Variants in CLNK observed in about 807,000 individuals in gnomAD.
CLNK encodes cytokine-dependent hematopoietic cell linker.
CLNK carries 74 observed loss-of-function variants against 68.6 expected under a neutral mutation model. The observed-to-expected ratio is 1.08, with a 90% CI of 0.89 to 1.31. CLNK has a LOEUF of 1.31. CLNK is among the 50% of genes most tolerant of loss of function. The pLI is 0.00. For missense variants in CLNK, 553 were observed against 515.3 expected (o/e 1.07, Z -0.71); for synonymous variants, 198 against 172.2 (o/e 1.15, Z -1.17).
intron 2 of CLNK, among the ~76,000 whole-genome samples, chr4:10,651,911 A>T (rs1258456320): frequency 6.6e-6 from 1 of 152,076 alleles, no homozygotes; most frequent in Non-Finnish European, 1.5e-5. Flanking sequence ...TAAACATAAG[A>T]TAAACTGATA....
chr4:10,606,812 G>A, intron 2 of CLNK, among the ~76,000 whole-genome samples: 1 of 152,248 alleles, frequency 6.6e-6, no homozygotes, highest in South Asian at 2.1e-4. Flanking sequence ...ACACATAGTT[G>A]ATTCTGTTTT....
At chr4:10,540,263 C>G (rs1388238137) in intron 11 of CLNK, among the ~76,000 whole-genome samples, 4 of 152,216 alleles carry the variant, frequency 2.6e-5, no homozygotes, top group Admixed American at 6.5e-5. Flanking sequence ...CTTCCCCCTC[C>G]ACCATGATTG....
chr4:10,665,897 G>C (rs1647325235), intron 2 of CLNK, among the ~76,000 whole-genome samples: 1 of 152,098 alleles, frequency 6.6e-6, no homozygotes, highest in East Asian at 1.9e-4. Context: ...ACCCTGTTTG[G>C]GAAAAGCATC....
intron 8 of CLNK, among the ~76,000 whole-genome samples, chr4:10,548,541 C>T (rs1719325341): frequency 6.6e-6 from 1 of 152,182 alleles, no homozygotes; most frequent in Admixed American, 6.5e-5. Flanking sequence ...GCTTTTGCTG[C>T]CTGTCCTTTT....
Position 10,490,716 on chromosome 4 carries a change from C to A in CLNK, c.1141-103G>T, listed in dbSNP as rs532600617. 3.2e-5 allele frequency: 28 copies of A among 868,866 alleles called. 1 individual carries two copies. The South Asian group carries it at 4.5e-4, about 14-fold the overall frequency. 53.8% of individuals were successfully genotyped at this position (868,866 alleles called of 1,614,324 possible). A position where few individuals can be genotyped will look rare whatever the true frequency, so the allele number is the denominator to read the frequency against. On this transcript the variant is annotated intron_variant, in intron 18 of 18. Transcript: ENST00000226951. ...CATTTTGCATGGGGAAGAGGTGAAC[C>A]AATTTAACAATGTTTGTATGGTAAA... is the stretch of plus-strand genomic sequence containing the variant.
the CLNK span, among the ~76,000 whole-genome samples, chr4:10,699,760 C>T: frequency 2.0e-5 from 3 of 151,480 alleles, no homozygotes; most frequent in South Asian, 2.1e-4. Context: ...ATGATCCATC[C>T]GCCTCAGCCT....
At chr4:10,531,010 G>T (rs2286465) in intron 12 of CLNK, among the ~76,000 whole-genome samples, 6 of 152,196 alleles carry the variant, frequency 3.9e-5, no homozygotes, top group African/African-American at 1.4e-4. Flanking sequence ...TAAATGTCTC[G>T]TTTGAGTGAC....
intron 5 of CLNK, among the ~76,000 whole-genome samples, chr4:10,570,805 A>C (rs1720314567): frequency 6.6e-6 from 1 of 152,320 alleles, no homozygotes; most frequent in Non-Finnish European, 1.5e-5. Context: ...TATAAATTTT[A>C]ATCTTTTTCT....
the CLNK span, among the ~76,000 whole-genome samples, chr4:10,721,336 G>A: frequency 1.3e-5 from 2 of 152,110 alleles, no homozygotes; most frequent in East Asian, 1.9e-4. Flanking sequence ...GGGAAAATGG[G>A]TAAAGGGCAC....
At chr4:10,628,292 A>G (rs570689712) in intron 2 of CLNK, among the ~76,000 whole-genome samples, 1 of 146,228 alleles carries the variant, frequency 6.8e-6, no homozygotes, top group Non-Finnish European at 1.5e-5. Context: ...TTTCCTTAAA[A>G]GGCTTGTTTA....
At chr4:10,494,814 T>C (rs2109018653) in intron 18 of CLNK, among the ~76,000 whole-genome samples, 1 of 152,316 alleles carries the variant, frequency 6.6e-6, no homozygotes, top group Middle Eastern at 3.4e-3. Context: ...AATATTGCCC[T>C]GAAGAGACTT....
At chr4:10,665,737 A>T (rs1305010382) in intron 2 of CLNK, among the ~76,000 whole-genome samples, 3 of 151,650 alleles carry the variant, frequency 2.0e-5, no homozygotes, top group African/African-American at 7.3e-5. Flanking sequence ...AGCCAAGCAG[A>T]TGCTCATGGC....
At chr4:10,643,586 C>A (rs1048625747) in intron 2 of CLNK, among the ~76,000 whole-genome samples, 27 of 152,208 alleles carry the variant, frequency 1.8e-4, no homozygotes, top group African/African-American at 6.5e-4. Context: ...CGCTCAGGCG[C>A]ATAATAACAG....
chr4:10,618,092 T>G (rs1722302236), intron 2 of CLNK, among the ~76,000 whole-genome samples: 1 of 152,174 alleles, frequency 6.6e-6, no homozygotes, highest in South Asian at 2.1e-4. Context: ...CTTAGTAGTA[T>G]TATCCATAAG....
chr4:10,617,923 A>C (rs753077312), intron 2 of CLNK, among the ~76,000 whole-genome samples: 3 of 151,814 alleles, frequency 2.0e-5, no homozygotes, highest in Non-Finnish European at 2.9e-5. Context: ...CTAGTGTTTT[A>C]GTTGGGGAGC....
intron 2 of CLNK, among the ~76,000 whole-genome samples, chr4:10,659,830 G>C (rs1724125281): frequency 6.6e-6 from 1 of 151,818 alleles, no homozygotes; most frequent in Non-Finnish European, 1.5e-5. Flanking sequence ...AGGACTTCCT[G>C]ATATTGGTCC....
At chr4:10,717,521 G>A in the CLNK span, among the ~76,000 whole-genome samples, 3 of 152,178 alleles carry the variant, frequency 2.0e-5, no homozygotes, top group East Asian at 3.9e-4. Context: ...GCTTGAACCC[G>A]GGAGGCAGAG....
chr4:10,498,073 T>C (rs1018328868), intron 18 of CLNK, among the ~76,000 whole-genome samples: 1 of 152,194 alleles, frequency 6.6e-6, no homozygotes, highest in African/African-American at 2.4e-5. Context: ...CGTATGCCTG[T>C]AATCCCAGCT....
chr4:10,545,247 A>T (rs182428225), intron 8 of CLNK, among the ~76,000 whole-genome samples: 15 of 152,322 alleles, frequency 9.8e-5, no homozygotes, highest in African/African-American at 2.6e-4. Context: ...ATCAAAACAA[A>T]TTATCTACTT....
Sources: gnomAD v4.1 joint callset for allele counts (sites outside exome capture counted in the v4.1 genomes callset) on GRCh38, gnomAD v4.1.1 for gene constraint, MANE v1.5 for transcripts, NCBI Gene and HGNC (gene_info 2026-07-23, HGNC 2026-07-21) for gene names.